The following ALMS1 variants were observed in gnomAD, a reference collection of about 807,000 sequenced individuals.
The protein encoded by ALMS1 is centrosome-associated protein ALMS1.
In ALMS1, 271 loss-of-function variants were observed where a neutral mutation model predicts 352.2. The observed-to-expected ratio is 0.77, with a 90% CI of 0.70 to 0.85. The LOEUF (loss-of-function observed/expected upper bound fraction) is 0.85. Among genes scored for constraint, ALMS1 ranks in the 40% least tolerant of loss-of-function variants. The pLI, the probability that ALMS1 is intolerant of heterozygous loss-of-function variation, is 0.00. For missense variants in ALMS1, 5,445 were observed against 4,870.7 expected (o/e 1.12, Z -3.51); for synonymous variants, 1,865 against 1,761.2 (o/e 1.06, Z -1.48).
intron 9 of ALMS1, among the ~76,000 whole-genome samples, chr2:73,461,189 A>G (rs909286777): frequency 1.3e-5 from 2 of 152,356 alleles, no homozygotes; most frequent in South Asian, 2.1e-4. Flanking sequence ...GGCACCCCCC[A>G]GGAGGGGCAG....
At chr2:73,442,045 G>A (rs1373527797) in intron 7 of ALMS1, among the ~76,000 whole-genome samples, 4 of 152,066 alleles carry the variant, frequency 2.6e-5, no homozygotes, top group Admixed American at 1.3e-4. Flanking sequence ...TCTGCAGCCC[G>A]TGTCCTGAAC....
chr2:73,540,167 G>A (rs1206479395), intron 12 of ALMS1, among the ~76,000 whole-genome samples: 7 of 152,210 alleles, frequency 4.6e-5, no homozygotes, highest in African/African-American at 1.7e-4. Context: ...ACTAACAACT[G>A]ATCTCTCAGC....
intron 10 of ALMS1, among the ~76,000 whole-genome samples, chr2:73,514,885 C>T (rs949869495): frequency 6.6e-6 from 1 of 152,086 alleles, no homozygotes; most frequent in East Asian, 1.9e-4. Context: ...TATTTTTGCA[C>T]CTTTGATTTT....
intron 11 of ALMS1, among the ~76,000 whole-genome samples, chr2:73,534,490 A>G (rs1242622697): frequency 6.6e-6 from 1 of 152,162 alleles, no homozygotes; most frequent in Admixed American, 6.5e-5. Context: ...AATGAAACAT[A>G]TCCCTACCAT....
intron 2 of ALMS1, among the ~76,000 whole-genome samples, chr2:73,414,236 C>T (rs6755241): frequency 0.29 from 44,299 of 151,830 alleles, 7,738 homozygotes; most frequent in African/African-American, 0.5. Context: ...CAATCTTACA[C>T]GTTTTGTTAG....
chr2:73,394,101 G>C (rs1434268622), intron 1 of ALMS1, among the ~76,000 whole-genome samples: 1 of 151,882 alleles, frequency 6.6e-6, no homozygotes, highest in Non-Finnish European at 1.5e-5. Flanking sequence ...GATTACAGGC[G>C]TGAGCCACCA....
chr2:73,463,341 C>G (rs1461184593), intron 9 of ALMS1, among the ~76,000 whole-genome samples: 1 of 152,100 alleles, frequency 6.6e-6, no homozygotes, highest in Non-Finnish European at 1.5e-5. Flanking sequence ...TAACCTGCTC[C>G]TGAATGACTA....
Position 73,491,014 on chromosome 2 carries a change from G to T in ALMS1, c.9055G>T (p.Val3019Leu). Residue 3019 changes from valine (V) to leucine (L), a missense_variant, in exon 10 of 23, where the codon GTG (valine) becomes TTG (leucine). By Grantham distance (32) the Val-to-Leu change is conservative (BLOSUM62 1). Transcript: ENST00000613296. ...NINVEAKFNT[V>L]VSQSAPNHCT... ...AAATGTTGAAGCCAAGTTCAATACT[G>T]TGGTCTCCCAGTCAGCCCCAAATCA... The T allele has an allele frequency of 6.2e-7, 1 of 1,614,206 alleles. No homozygotes were observed. The highest frequency in any genetic ancestry group is 1.1e-5 in the South Asian group (1 of 91,074).
intron 9 of ALMS1, among the ~76,000 whole-genome samples, chr2:73,463,266 G>A (rs1477127300): frequency 6.6e-6 from 1 of 152,170 alleles, no homozygotes; most frequent in African/African-American, 2.4e-5. Context: ...AGACCACAGT[G>A]CAATCAAATT....
chr2:73,488,915 T>C (rs1009260112), intron 9 of ALMS1, among the ~76,000 whole-genome samples: 1 of 152,068 alleles, frequency 6.6e-6, no homozygotes, highest in Non-Finnish European at 1.5e-5. Flanking sequence ...AGGGGTAAAA[T>C]ATTAGGATGT....
chr2:73,429,010 A>G (rs965241275), intron 6 of ALMS1, among the ~76,000 whole-genome samples: 1 of 152,230 alleles, frequency 6.6e-6, no homozygotes, highest in Non-Finnish European at 1.5e-5. Flanking sequence ...GTCAAAATCC[A>G]GTTCAGTTAC....
chr2:73,561,983 G>GA (rs544098692), intron 15 of ALMS1, among the ~76,000 whole-genome samples: 3 of 149,156 alleles, frequency 2.0e-5, no homozygotes, highest in Admixed American at 6.7e-5. Context: ...AAAATGAAAT[G>GA]AAAAAAAAGT....
At chr2:73,399,547 G>C (rs892677595) in intron 1 of ALMS1, among the ~76,000 whole-genome samples, 5 of 151,722 alleles carry the variant, frequency 3.3e-5, no homozygotes, top group African/African-American at 1.2e-4. Context: ...TGAACTTAGA[G>C]TGAGCGCTCA....
intron 7 of ALMS1, among the ~76,000 whole-genome samples, chr2:73,441,634 T>TATTC (rs1188648369): frequency 1.5e-3 from 153 of 98,840 alleles, no homozygotes; most frequent in African/African-American, 0.011. Context: ...TATTCCTATT[T>TATTC]CTGGTCTTAG....
intron 9 of ALMS1, among the ~76,000 whole-genome samples, chr2:73,480,409 C>A (rs1464151557): frequency 2.6e-5 from 4 of 152,136 alleles, no homozygotes; most frequent in African/African-American, 7.2e-5. Flanking sequence ...ATGAACTCAT[C>A]ATTTTTTATG....
intron 1 of ALMS1, among the ~76,000 whole-genome samples, chr2:73,394,499 AC>A (rs1670714474): frequency 6.6e-6 from 1 of 152,040 alleles, no homozygotes; most frequent in Admixed American, 6.5e-5. Context: ...ACAGATGCAC[AC>A]CACCATCCCT....
chr2:73,507,921 TAA>T (rs1035287330), intron 10 of ALMS1, among the ~76,000 whole-genome samples: 2 of 152,272 alleles, frequency 1.3e-5, no homozygotes, highest in African/African-American at 4.8e-5. Context: ...TTTAGTGCTA[TAA>T]ATTTCCCTCT....
In ALMS1 at chr2:73,454,064, C is replaced by T; in HGVS notation, c.7537C>T (p.His2513Tyr). Residue 2513 changes from histidine to tyrosine, a missense_variant, in exon 8 of 23, where the codon CAT (histidine) becomes TAT (tyrosine). Transcript: ENST00000613296. ...AEEEESRVRAHAWNMKFNLAH... is the reference protein window; with the variant it reads ...AEEEESRVRAYAWNMKFNLAH... The stretch of plus-strand genomic sequence containing the variant: ...GGAAGAGGAAAGCCGGGTACGAGCA[C>T]ATGGTAAGAAGAAAGTTTCAGGCTT... 1 of 1,608,058 alleles carries T rather than the reference C, an allele frequency of 6.2e-7. No individual in the cohort carries two copies. The highest frequency in any genetic ancestry group is 8.5e-7 in the Non-Finnish European group (1 of 1,177,040).
chr2:73,527,097 C>A (rs1673806807), intron 11 of ALMS1, among the ~76,000 whole-genome samples: 1 of 152,096 alleles, frequency 6.6e-6, no homozygotes, highest in Non-Finnish European at 1.5e-5. Flanking sequence ...GTTAAACCAT[C>A]CTTGCATCCC....
Sources: gnomAD v4.1 joint callset for allele counts (sites outside exome capture counted in the v4.1 genomes callset) on GRCh38, gnomAD v4.1.1 for gene constraint, MANE v1.5 for transcripts, NCBI Gene and HGNC (gene_info 2026-07-23, HGNC 2026-07-21) for gene names.